SLC6A11: variants seen among roughly 807,000 people sequenced by gnomAD.
SLC6A11 encodes solute carrier family 6 member 11.
In SLC6A11, 25 loss-of-function variants were observed where a neutral mutation model predicts 74.8. The observed-to-expected ratio is 0.33, with a 90% CI of 0.24 to 0.47. The LOEUF is 0.47. SLC6A11 is among the 20% of genes least tolerant of loss of function. The probability of loss-of-function intolerance (pLI) is 1.00; values close to 1 mark genes in which losing one functional copy is unlikely to be tolerated. For synonymous variants in SLC6A11, 330 were observed against 330.2 expected (o/e 1.00, Z 0.01); for missense variants, 574 against 837.0 (o/e 0.69, Z 3.88).
chr3:10,873,946 T>G (rs1034016519), intron 5 of SLC6A11, among the ~76,000 whole-genome samples: 2 of 150,754 alleles, frequency 1.3e-5, no homozygotes, highest in Non-Finnish European at 3.0e-5. Context: ...TGCTATGCTA[T>G]CCTATGCTAT....
chr3:10,934,899 A>T, intron 12 of SLC6A11, 130 bp from the exon 13 acceptor site: 1 of 780,446 alleles, frequency 1.3e-6, no homozygotes, highest in Non-Finnish European at 2.1e-6. Flanking sequence ...CTCACTTTTC[A>T]TGGCTGTGAA....
chr3:10,861,098 C>G (rs1159524625), intron 5 of SLC6A11, among the ~76,000 whole-genome samples: 1 of 152,198 alleles, frequency 6.6e-6, no homozygotes, highest in Non-Finnish European at 1.5e-5. Context: ...CTGTAGAGAG[C>G]AGCTTCCTTT....
At chr3:10,854,065 A>G (rs1694609023) in intron 5 of SLC6A11, among the ~76,000 whole-genome samples, 1 of 152,354 alleles carries the variant, frequency 6.6e-6, no homozygotes, top group Middle Eastern at 3.4e-3. Context: ...CTGATTTTTA[A>G]AAATTGTCCA....
At chr3:10,935,817 A>T (rs971876325) in intron 13 of SLC6A11, among the ~76,000 whole-genome samples, 1 of 152,206 alleles carries the variant, frequency 6.6e-6, no homozygotes, top group Non-Finnish European at 1.5e-5. Flanking sequence ...AATTTTTAGT[A>T]ATGTTCCACA....
At chr3:10,820,408 G>A (rs1435997159) in intron 3 of SLC6A11, among the ~76,000 whole-genome samples, 1 of 152,206 alleles carries the variant, frequency 6.6e-6, no homozygotes, top group Non-Finnish European at 1.5e-5. Context: ...ACGATCTGGT[G>A]ACACCAGACC....
At chr3:10,871,685 A>G (rs1694830056) in intron 5 of SLC6A11, among the ~76,000 whole-genome samples, 1 of 152,166 alleles carries the variant, frequency 6.6e-6, no homozygotes, top group Non-Finnish European at 1.5e-5. Context: ...ATCAAGCCTT[A>G]TTGATTACTG....
intron 5 of SLC6A11, among the ~76,000 whole-genome samples, chr3:10,873,991 C>CTATGCTAT (rs1694877199): frequency 4.4e-5 from 6 of 136,402 alleles, no homozygotes; most frequent in African/African-American, 1.9e-4. Flanking sequence ...CGCTACGCTA[C>CTATGCTAT]GCTATGCTAT....
At chr3:10,899,581 C>T (rs1695213242) in intron 6 of SLC6A11, among the ~76,000 whole-genome samples, 1 of 152,230 alleles carries the variant, frequency 6.6e-6, no homozygotes, top group Admixed American at 6.5e-5. Flanking sequence ...TGCTTAGAAG[C>T]ATTTCTGCTG....
At chr3:10,838,838 G>A (rs1259497191) in intron 4 of SLC6A11, among the ~76,000 whole-genome samples, 1 of 152,198 alleles carries the variant, frequency 6.6e-6, no homozygotes, top group East Asian at 1.9e-4. Flanking sequence ...CCCTGGCAGT[G>A]GTGTTGCCAT....
At chr3:10,848,160 T>C (rs1239425495) in intron 5 of SLC6A11, among the ~76,000 whole-genome samples, 1 of 152,192 alleles carries the variant, frequency 6.6e-6, no homozygotes, top group African/African-American at 2.4e-5. Context: ...TTTAAGTCAA[T>C]TTAGTGAGCA....
At chr3:10,927,099 G>A (rs1218484738) in intron 9 of SLC6A11, among the ~76,000 whole-genome samples, 1 of 152,224 alleles carries the variant, frequency 6.6e-6, no homozygotes, top group Admixed American at 6.5e-5. Flanking sequence ...CCCACAGCCA[G>A]TATATCTGTC....
At position 10,844,752 on chromosome 3, in the gene SLC6A11, A is replaced by G. The variant is rs542412342; in HGVS notation, c.756+406A>G. 9.5e-4 allele frequency among the ~76,000 whole-genome samples: 145 copies of G among 152,234 alleles called. 6 individuals carry two copies. In the South Asian group the frequency reaches 0.029, roughly 31 times the overall value. ...GCTGCCTCCACTGACAGACCCCAAG[A>G]TCTCAGGGGTGTATTTCTCCCTCAC... On this transcript the variant is annotated intron_variant, in intron 5 of 13. Coordinates refer to ENST00000254488, the MANE Select transcript of SLC6A11 (RefSeq NM_014229.3).
chr3:10,853,363 C>T (rs1482909068), intron 5 of SLC6A11, among the ~76,000 whole-genome samples: 1 of 152,194 alleles, frequency 6.6e-6, no homozygotes, highest in Admixed American at 6.5e-5. Context: ...TGCAGGGGCA[C>T]CCCCGCTTGC....
intron 6 of SLC6A11, among the ~76,000 whole-genome samples, chr3:10,894,694 G>A (rs961932793): frequency 5.9e-5 from 9 of 152,154 alleles, no homozygotes; most frequent in Non-Finnish European, 1.2e-4. Context: ...AGTGCCACAG[G>A]TGGAATGAGT....
intron 9 of SLC6A11, among the ~76,000 whole-genome samples, 175 bp from the exon 10 acceptor site, chr3:10,929,027 A>G (rs1695647590): frequency 1.3e-5 from 2 of 152,174 alleles, no homozygotes; most frequent in African/African-American, 2.4e-5. Context: ...TTAAATGGGC[A>G]TGACTGGAGC....
chr3:10,852,342 C>G (rs1287723231), intron 5 of SLC6A11, among the ~76,000 whole-genome samples: 1 of 152,246 alleles, frequency 6.6e-6, no homozygotes, highest in Non-Finnish European at 1.5e-5. Flanking sequence ...GAGCACTTCT[C>G]ACACCACTGT....
chr3:10,914,264 G>T (rs1354498633), intron 7 of SLC6A11, among the ~76,000 whole-genome samples: 1 of 152,188 alleles, frequency 6.6e-6, no homozygotes, highest in Non-Finnish European at 1.5e-5. Flanking sequence ...CCTTGACTCT[G>T]ACTGGGGTCT....
At chr3:10,878,116 A>T (rs1335706381) in intron 6 of SLC6A11, among the ~76,000 whole-genome samples, 1 of 152,252 alleles carries the variant, frequency 6.6e-6, no homozygotes, top group East Asian at 1.9e-4. Flanking sequence ...TGTAAATCCA[A>T]TGGGCACCTC....
At chr3:10,843,910 G>T (rs1458794849) in intron 4 of SLC6A11, among the ~76,000 whole-genome samples, 2 of 152,206 alleles carry the variant, frequency 1.3e-5, no homozygotes, top group African/African-American at 4.8e-5. Context: ...CTGGTAATAT[G>T]ATCTCCTGGG....
Sources: gnomAD v4.1 joint callset for allele counts (sites outside exome capture counted in the v4.1 genomes callset) on GRCh38, gnomAD v4.1.1 for gene constraint, MANE v1.5 for transcripts, NCBI Gene and HGNC (gene_info 2026-07-23, HGNC 2026-07-21) for gene names.